Variants in COL4A1 observed in about 807,000 individuals in gnomAD.
The protein encoded by COL4A1 is collagen type IV alpha 1 chain.
In COL4A1, 40 loss-of-function variants were observed where a neutral mutation model predicts 216.6. The ratio of observed to expected loss-of-function variants is 0.18; its 90% CI spans 0.14 to 0.24. The LOEUF (loss-of-function observed/expected upper bound fraction) is 0.24, where lower values mean the gene tolerates loss of function less well. Ranked by LOEUF, COL4A1 falls within the 10% of genes least tolerant of loss-of-function variation. The pLI is 1.00. For synonymous variants in COL4A1, 839 were observed against 810.7 expected (o/e 1.03, Z -0.59); for missense variants, 1,628 against 2,196.8 (o/e 0.74, Z 5.18).
In COL4A1 at chr13:110,212,709, T is replaced by C. The variant is rs956811728; in HGVS notation, c.280-91A>G. 15 of 1,460,876 alleles carry C rather than the reference T, an allele frequency of 1.0e-5. No individual in the cohort carries two copies. In the Admixed American group the frequency reaches 1.7e-4, roughly 17 times the overall value. The allele number at this position is 1,460,876 out of a possible 1,614,324, so 90.5% of individuals were successfully genotyped here. Reference sequence around the variant, plus strand: ...CTCCCCGGTTAATGGAGTCATGCCCTCATTTTTGGTGTCAGAACACACACA... The same window carrying C: ...CTCCCCGGTTAATGGAGTCATGCCCCCATTTTTGGTGTCAGAACACACACA... On this transcript the variant is annotated intron_variant, in intron 4 of 51. Transcript: ENST00000375820.
At chr13:110,269,510 T>C (rs949881345) in intron 1 of COL4A1, among the ~76,000 whole-genome samples, 1 of 152,172 alleles carries the variant, frequency 6.6e-6, no homozygotes, top group African/African-American at 2.4e-5. Context: ...ATTTATCTTA[T>C]GTATTTATGA....
chr13:110,259,001 T>C (rs1284752150), intron 1 of COL4A1, among the ~76,000 whole-genome samples: 1 of 152,256 alleles, frequency 6.6e-6, no homozygotes, highest in Non-Finnish European at 1.5e-5. Context: ...GAGCAACCTA[T>C]GGGATCCTTT....
intron 40 of COL4A1, among the ~76,000 whole-genome samples, chr13:110,173,021 A>C (rs933915745): frequency 6.6e-6 from 1 of 152,184 alleles, no homozygotes; most frequent in Admixed American, 6.5e-5. Flanking sequence ...AGCACAAATG[A>C]TCTGTGCAAA....
In COL4A1 at chr13:110,161,315, T is replaced by C. The variant is rs1189595814; in HGVS notation, c.4517A>G (p.Asn1506Ser). The C allele has an allele frequency of 1.2e-6, 2 of 1,614,198 alleles. No homozygotes were observed. Among genetic ancestry groups the C allele is most frequent in the Non-Finnish European group, 1.7e-6 (2 of 1,180,034 alleles). The change falls in exon 49 of 52, where the codon AAT becomes AGT. Residue 1506 changes from asparagine (N) to serine (S), a missense_variant. Asn to Ser is a conservative substitution (Grantham distance 46). Transcript: ENST00000375820. ...TGCAAAGTTGCACACGTTGTTAATATTGCAGAACAGGAAGGGCATTGTGCT... is the reference window on the plus strand; with the variant it reads ...TGCAAAGTTGCACACGTTGTTAATACTGCAGAACAGGAAGGGCATTGTGCT... The part of the protein sequence containing the change: ...KFSTMPFLFC[N>S]INNVCNFASR...
At chr13:110,266,611 C>T (rs1203972972) in intron 1 of COL4A1, among the ~76,000 whole-genome samples, 1 of 152,166 alleles carries the variant, frequency 6.6e-6, no homozygotes, top group Non-Finnish European at 1.5e-5. Flanking sequence ...CAGTGCTAGG[C>T]TAACTGGCAC....
intron 2 of COL4A1, among the ~76,000 whole-genome samples, chr13:110,223,858 A>T (rs1048958779): frequency 2.0e-5 from 3 of 152,116 alleles, no homozygotes; most frequent in Non-Finnish European, 4.4e-5. Context: ...CTCCGTGTAG[A>T]CTTTAGAGGC....
intron 1 of COL4A1, among the ~76,000 whole-genome samples, chr13:110,291,027 G>A (rs1007458953): frequency 1.1e-4 from 16 of 152,172 alleles, no homozygotes; most frequent in Admixed American, 4.6e-4. Context: ...CGGGTGGGGG[G>A]CTGTCCTGAC....
rs143269761 is a variant in COL4A1 at position 110,283,160 on chromosome 13, G to C, written c.84+23784C>G. Among the ~76,000 whole-genome samples the C allele has an allele frequency of 3.1e-3, 479 of 152,328 alleles. 2 individuals carry two copies. Among genetic ancestry groups the C allele is most frequent in the African/African-American group, 1.0e-2 (415 of 41,564 alleles). ...TGTTCAGTTCTTCATAGGAAAGACA[G>C]AGACTGAAGAGTAATTACTTGATTC... On this transcript the variant is annotated intron_variant, in intron 1 of 51. Coordinates refer to ENST00000375820, the MANE Select transcript of COL4A1 (RefSeq NM_001845.6).
chr13:110,263,040 C>G (rs1194524985), intron 1 of COL4A1, among the ~76,000 whole-genome samples: 1 of 152,166 alleles, frequency 6.6e-6, no homozygotes, highest in African/African-American at 2.4e-5. Context: ...CCAGAGCAGG[C>G]AGGTAGGTCT....
At chr13:110,226,441 A>T (rs1880740924) in intron 2 of COL4A1, among the ~76,000 whole-genome samples, 1 of 152,196 alleles carries the variant, frequency 6.6e-6, no homozygotes, top group Non-Finnish European at 1.5e-5. Flanking sequence ...CCTTACCCCC[A>T]AGCAAGTTAC....
At chr13:110,280,016 T>C (rs664532) in intron 1 of COL4A1, among the ~76,000 whole-genome samples, 84,078 of 152,122 alleles carry the variant, frequency 0.55, 23,679 homozygotes, top group East Asian at 0.83. Flanking sequence ...CCCTTCCTGA[T>C]ATTCCTTTCC....
chr13:110,231,955 G>A (rs1454559158), intron 2 of COL4A1, among the ~76,000 whole-genome samples: 1 of 152,172 alleles, frequency 6.6e-6, no homozygotes, highest in Non-Finnish European at 1.5e-5. Context: ...AGCAAGACGT[G>A]TGTAAGAAAT....
At chr13:110,235,046 C>T (rs907683246) in intron 2 of COL4A1, among the ~76,000 whole-genome samples, 10 of 152,110 alleles carry the variant, frequency 6.6e-5, no homozygotes, top group Non-Finnish European at 1.0e-4. Flanking sequence ...ATATTTCACA[C>T]CTTATAAGTA....
chr13:110,265,021 CGGCTCTGCAAGATGCTGGGCTGTG>C (rs1882968320), intron 1 of COL4A1, among the ~76,000 whole-genome samples: 1 of 152,244 alleles, frequency 6.6e-6, no homozygotes, highest in South Asian at 2.1e-4. Flanking sequence ...CAGCCCACCT[CGGCTCTGCAAGATGCTGGGCTGTG>C]GGCGCCGTCC....
At chr13:110,246,144 T>G (rs1264816150) in intron 1 of COL4A1, among the ~76,000 whole-genome samples, 1 of 144,318 alleles carries the variant, frequency 6.9e-6, no homozygotes, top group African/African-American at 2.5e-5. Context: ...ATGGTTTTGT[T>G]AAAAAAAAAA....
At chr13:110,174,372 A>T in intron 39 of COL4A1, 74 bp downstream of exon 39, 1 of 1,527,626 alleles carries the variant, frequency 6.5e-7, no homozygotes, top group Non-Finnish European at 9.0e-7. Context: ...TGTGATGGGA[A>T]CTCCTTGGGG....
intron 1 of COL4A1, among the ~76,000 whole-genome samples, chr13:110,251,844 C>T (rs1882087772): frequency 6.6e-6 from 1 of 152,196 alleles, no homozygotes; most frequent in Non-Finnish European, 1.5e-5. Flanking sequence ...CTTGAACCCA[C>T]ACCTGACTTA....
chr13:110,208,578 T>C (rs1879625450), intron 12 of COL4A1, among the ~76,000 whole-genome samples: 1 of 152,202 alleles, frequency 6.6e-6, no homozygotes, highest in African/African-American at 2.4e-5. Flanking sequence ...GAAGAAGAGT[T>C]TGAACTCTTT....
intron 1 of COL4A1, among the ~76,000 whole-genome samples, chr13:110,303,282 A>T (rs892752090): frequency 1.3e-5 from 2 of 151,982 alleles, no homozygotes; most frequent in African/African-American, 4.8e-5. Context: ...GCAACTTTCC[A>T]AACATCCCCT....
Sources: allele counts gnomAD v4.1 joint callset (sites outside exome capture counted in the v4.1 genomes callset), GRCh38; gene constraint gnomAD v4.1.1; transcripts MANE v1.5; gene names NCBI Gene and HGNC (gene_info 2026-07-23, HGNC 2026-07-21).